Variants in UTS2 observed in about 807,000 individuals in gnomAD.
UTS2 encodes the protein urotensin 2.
In UTS2, 10 loss-of-function variants were observed where a neutral mutation model predicts 12.6. The observed-to-expected ratio is 0.80, with a 90% CI of 0.49 to 1.35. The LOEUF is 1.35. Among genes scored for constraint, UTS2 ranks in the 40% most tolerant of loss-of-function variants. UTS2 has a pLI of 0.00. For missense variants in UTS2, 142 were observed against 143.2 expected (o/e 0.99, Z 0.04); for synonymous variants, 52 against 50.0 (o/e 1.04, Z -0.17).
chr1:7,899,895 AGACCTG>A, the UTS2 span, among the ~76,000 whole-genome samples: 1 of 152,178 alleles, frequency 6.6e-6, no homozygotes, highest in Non-Finnish European at 1.5e-5. Context: ...CACGAGGGAA[AGACCTG>A]CTTCCAGGCT....
upstream of UTS2, chr1:7,853,498 A>G (rs943705313): frequency 9.7e-6 from 15 of 1,553,776 alleles, no homozygotes; most frequent in Non-Finnish European, 1.3e-5. Flanking sequence ...TCCCTGAAGA[A>G]TGACAATCTG....
chr1:7,878,747 AT>A, the UTS2 span, among the ~76,000 whole-genome samples: 1 of 152,194 alleles, frequency 6.6e-6, no homozygotes, highest in Non-Finnish European at 1.5e-5. Context: ...TATGAAAAAA[AT>A]GATCCAACTG....
At chr1:7,853,147 T>C (rs1450921561), upstream of UTS2, 9 of 1,449,582 alleles carry the variant, frequency 6.2e-6, no homozygotes, top group Non-Finnish European at 8.3e-6. Context: ...AAAATGAATT[T>C]ATTGGCTATG....
chr1:7,901,866 G>A, the UTS2 span, among the ~76,000 whole-genome samples: 11 of 152,128 alleles, frequency 7.2e-5, no homozygotes, highest in African/African-American at 2.7e-4. Context: ...GAACGTGTGA[G>A]GTCTGTAGGG....
chr1:7,887,429 G>A, the UTS2 span, among the ~76,000 whole-genome samples: 3 of 151,958 alleles, frequency 2.0e-5, no homozygotes, highest in Non-Finnish European at 4.4e-5. Context: ...GAAGCAAAAG[G>A]ATGAAATTCT....
At chr1:7,878,606 G>GT in the UTS2 span, among the ~76,000 whole-genome samples, 1 of 152,080 alleles carries the variant, frequency 6.6e-6, no homozygotes, top group East Asian at 1.9e-4. Context: ...CCATGTGCCT[G>GT]TAGTCACAGC....
chr1:7,887,802 C>T, the UTS2 span, among the ~76,000 whole-genome samples: 1 of 150,776 alleles, frequency 6.6e-6, no homozygotes, highest in East Asian at 1.9e-4. Context: ...TTTAATGCAG[C>T]GATAAATGTA....
At chr1:7,885,361 G>C in the UTS2 span, among the ~76,000 whole-genome samples, 1 of 152,212 alleles carries the variant, frequency 6.6e-6, no homozygotes, top group East Asian at 1.9e-4. Context: ...GAGCCCATGG[G>C]TCTGGGAGGT....
At chr1:7,855,611 G>A (rs1023877633), upstream of UTS2, among the ~76,000 whole-genome samples, 2 of 152,008 alleles carry the variant, frequency 1.3e-5, no homozygotes, top group Non-Finnish European at 2.9e-5. Context: ...TTGACCTCCT[G>A]GCCTTAAGTG....
chr1:7,878,880 A>T, the UTS2 span, among the ~76,000 whole-genome samples: 1 of 152,238 alleles, frequency 6.6e-6, no homozygotes, highest in South Asian at 2.1e-4. Flanking sequence ...ACTTAGATAA[A>T]ACAGATTTTG....
chr1:7,862,676 A>C, the UTS2 span, among the ~76,000 whole-genome samples: 1 of 152,088 alleles, frequency 6.6e-6, no homozygotes, highest in Non-Finnish European at 1.5e-5. Flanking sequence ...CTTAACAACC[A>C]GTTCTCTCAG....
the UTS2 span, among the ~76,000 whole-genome samples, chr1:7,889,975 G>A: frequency 6.6e-6 from 1 of 152,014 alleles, no homozygotes; most frequent in African/African-American, 2.4e-5. Context: ...GCTGAGGAAG[G>A]AGAATGGCTT....
the UTS2 span, among the ~76,000 whole-genome samples, chr1:7,865,946 TAAAC>T: frequency 2.0e-5 from 3 of 152,094 alleles, no homozygotes; most frequent in Non-Finnish European, 4.4e-5. Context: ...AATAAACAAA[TAAAC>T]AAACTAATAC....
the UTS2 span, among the ~76,000 whole-genome samples, chr1:7,909,310 C>T: frequency 2.0e-5 from 3 of 151,834 alleles, no homozygotes; most frequent in Non-Finnish European, 2.9e-5. Flanking sequence ...TTTGGCAGGC[C>T]GAGGTGGGCG....
upstream of UTS2, among the ~76,000 whole-genome samples, chr1:7,855,632 C>T (rs1268593106): frequency 1.3e-5 from 2 of 152,024 alleles, no homozygotes; most frequent in African/African-American, 4.8e-5. Flanking sequence ...ATCCACCTGC[C>T]TCAGCCTCCC....
At chr1:7,882,571 A>G in the UTS2 span, among the ~76,000 whole-genome samples, 19 of 152,356 alleles carry the variant, frequency 1.2e-4, no homozygotes, top group African/African-American at 4.3e-4. Context: ...ATGGGACTAT[A>G]TTGAACTAAA....
upstream of UTS2, among the ~76,000 whole-genome samples, chr1:7,857,233 T>C (rs1638333139): frequency 6.6e-6 from 1 of 151,998 alleles, no homozygotes; most frequent in Admixed American, 6.6e-5. Context: ...CCTTCTGACC[T>C]CTGCCCTCTG....
At chr1:7,909,770 A>ATGAG in the UTS2 span, among the ~76,000 whole-genome samples, 8 of 151,752 alleles carry the variant, frequency 5.3e-5, no homozygotes, top group African/African-American at 1.7e-4. Context: ...ACAGGCGCCC[A>ATGAG]CCACCACGCC....
At chr1:7,886,679 A>C in the UTS2 span, among the ~76,000 whole-genome samples, 1 of 152,236 alleles carries the variant, frequency 6.6e-6, no homozygotes, top group South Asian at 2.1e-4. Context: ...TTTCTGCTTC[A>C]GTTTTCTAAT....
Sources: allele counts gnomAD v4.1 joint callset (sites outside exome capture counted in the v4.1 genomes callset), GRCh38; gene constraint gnomAD v4.1.1; transcripts MANE v1.5; gene names NCBI Gene and HGNC (gene_info 2026-07-23, HGNC 2026-07-21).